The following ACYP2 variants were observed in gnomAD, a reference collection of about 807,000 sequenced individuals.
ACYP2 encodes acylphosphatase 2, also known as acylphosphatase-2.
ACYP2 carries 12 observed loss-of-function variants against 11.2 expected under a neutral mutation model. The observed-to-expected ratio is 1.08, with a 90% CI of 0.69 to 1.74. The LOEUF (loss-of-function observed/expected upper bound fraction) is 1.74. ACYP2 is among the 40% of genes most tolerant of loss of function. The pLI is 0.00. For missense variants in ACYP2, 134 were observed against 101.9 expected (o/e 1.31, Z -1.35); for synonymous variants, 43 against 32.2 (o/e 1.33, Z -1.13).
At chr2:54,158,825 G>A (rs1682566822) in intron 6 of ACYP2, among the ~76,000 whole-genome samples, 1 of 152,100 alleles carries the variant, frequency 6.6e-6, no homozygotes, top group Non-Finnish European at 1.5e-5. Context: ...AGTGAATCAA[G>A]CCAATTACAA....
chr2:54,168,954 C>T (rs1314261086), intron 6 of ACYP2, among the ~76,000 whole-genome samples: 1 of 152,094 alleles, frequency 6.6e-6, no homozygotes, highest in Non-Finnish European at 1.5e-5. Context: ...TAAGATGAGC[C>T]AAAGCTTTAT....
chr2:54,135,423 G>T, intron 4 of ACYP2, 30 bp from the exon 2 acceptor site: 2 of 1,601,974 alleles, frequency 1.2e-6, no homozygotes, highest in South Asian at 1.1e-5. Context: ...AGGACAAGCT[G>T]ACAATTCTTT....
chr2:54,219,426 C>T lies in ACYP2; in HGVS notation c.404+80678C>T, dbSNP rs148896166. 1.2e-4 allele frequency among the ~76,000 whole-genome samples: 18 copies of T among 151,954 alleles called. No homozygotes were observed. The East Asian group carries it at 3.1e-3, about 26-fold the overall frequency. The stretch of plus-strand genomic sequence containing the variant: ...ACATAATGGAGGTCTTTGAATGCCA[C>T]CGTGAAGAGTTTGGGTTTGAGGTTG... On this transcript the variant is annotated intron_variant, in intron 6 of 6. Transcript: ENST00000607452.
intron 2 of ACYP2, among the ~76,000 whole-genome samples, chr2:54,041,666 A>G (rs573948259): frequency 6.6e-6 from 1 of 152,298 alleles, no homozygotes; most frequent in African/African-American, 2.4e-5. Context: ...TATTCAAGTG[A>G]GTATCTCAGT....
At chr2:53,972,263 T>C (rs1671183777) in intron 1 of ACYP2, among the ~76,000 whole-genome samples, 1 of 147,560 alleles carries the variant, frequency 6.8e-6, no homozygotes, top group Non-Finnish European at 1.5e-5. Context: ...TGAGCCAAGA[T>C]CGCGCCAGGG....
At chr2:54,121,989 C>T (rs1416386276) in intron 4 of ACYP2, among the ~76,000 whole-genome samples, 1 of 152,140 alleles carries the variant, frequency 6.6e-6, no homozygotes, top group African/African-American at 2.4e-5. Context: ...TGAAAGATGC[C>T]GTGGTGTATG....
intron 4 of ACYP2, among the ~76,000 whole-genome samples, chr2:54,075,788 G>A (rs1414705984): frequency 6.6e-6 from 1 of 151,932 alleles, no homozygotes; most frequent in Non-Finnish European, 1.5e-5. Context: ...ACTCCAGCCT[G>A]GGCGATAGAA....
At chr2:54,133,550 A>G (rs1371763982) in intron 4 of ACYP2, among the ~76,000 whole-genome samples, 1 of 152,166 alleles carries the variant, frequency 6.6e-6, no homozygotes, top group Non-Finnish European at 1.5e-5. Context: ...CACCTGATAC[A>G]TTCCTGATGT....
chr2:54,013,279 G>A lies in ACYP2; in HGVS notation c.63-37679G>A, dbSNP rs1284699036. 4.4e-3 allele frequency among the ~76,000 whole-genome samples: 606 copies of A among 136,938 alleles called. 14 individuals carry two copies. Among genetic ancestry groups the A allele is most frequent in the African/African-American group, 0.017 (572 of 33,514 alleles). The allele number at this position is 136,938 out of a possible 152,430, so 89.8% of individuals were successfully genotyped here. On this transcript the variant is annotated intron_variant, in intron 2 of 6. Coordinates refer to ENST00000607452, the MANE Select transcript of ACYP2 (RefSeq NM_001320586.2). ...TATGTGTGTGTGTGTGTGTGTGTGT[G>A]TGTGTGTGTGTGTGTGTGTGTGTGT...
intron 4 of ACYP2, among the ~76,000 whole-genome samples, chr2:54,074,326 C>A (rs1677213529): frequency 6.6e-6 from 1 of 152,052 alleles, no homozygotes; most frequent in Non-Finnish European, 1.5e-5. Context: ...GCCTGGGTGA[C>A]AGTGGGAGAT....
chr2:54,185,988 A>G (rs946664453), intron 6 of ACYP2, among the ~76,000 whole-genome samples: 1 of 151,834 alleles, frequency 6.6e-6, no homozygotes, highest in Admixed American at 6.6e-5. Context: ...GAAATATAAA[A>G]CACTGCAAAA....
intron 6 of ACYP2, among the ~76,000 whole-genome samples, chr2:54,201,680 TTCTCTCTCTC>T (rs60167120): frequency 2.8e-5 from 3 of 107,294 alleles, no homozygotes; most frequent in African/African-American, 1.1e-4. Context: ...CTTTCTTTCT[TTCTCTCTCTC>T]TCTCTCTCTT....
intron 6 of ACYP2, among the ~76,000 whole-genome samples, chr2:54,220,465 T>C (rs1481185833): frequency 6.6e-6 from 1 of 152,212 alleles, no homozygotes; most frequent in African/African-American, 2.4e-5. Flanking sequence ...AATCTTAATA[T>C]ATTTTGTAGT....
intron 6 of ACYP2, among the ~76,000 whole-genome samples, chr2:54,287,025 T>C (rs1351888862): frequency 1.3e-5 from 2 of 152,046 alleles, no homozygotes; most frequent in African/African-American, 4.8e-5. Context: ...TGTTCCCCAA[T>C]TTTTTGATAC....
rs189450699 is a variant in ACYP2, at chr2:54,201,570, T to C, written c.404+62822T>C. On this transcript the variant is annotated intron_variant, in intron 6 of 6. Coordinates refer to ENST00000607452, the MANE Select transcript of ACYP2 (RefSeq NM_001320586.2). ...GCACAAAAGTTTTAAAATTGGATGA[T>C]AGCCAGCTTCTTTTTCTTTCTTTCT... 4.0e-5 allele frequency among the ~76,000 whole-genome samples: 6 copies of C among 149,822 alleles called. No homozygotes were observed. In the East Asian group the frequency reaches 1.2e-3, roughly 30 times the overall value.
At chr2:54,039,476 G>A (rs183665539) in intron 2 of ACYP2, among the ~76,000 whole-genome samples, 1 of 152,012 alleles carries the variant, frequency 6.6e-6, no homozygotes, top group Non-Finnish European at 1.5e-5. Flanking sequence ...ATTTTTTCTA[G>A]AGATGGGGTT....
chr2:54,165,769 C>T (rs1337983944), intron 6 of ACYP2, among the ~76,000 whole-genome samples: 1 of 152,036 alleles, frequency 6.6e-6, no homozygotes, highest in Non-Finnish European at 1.5e-5. Context: ...CTACCCCTGC[C>T]CCAAGGGAAA....
intron 3 of ACYP2, chr2:54,051,843 G>T: frequency 1.8e-5 from 6 of 326,864 alleles, no homozygotes; most frequent in Non-Finnish European, 3.4e-5. Context: ...TCAGGAGTTT[G>T]AGACCAGCCT....
chr2:54,069,031 A>C (rs893504187), intron 4 of ACYP2, among the ~76,000 whole-genome samples: 2 of 152,056 alleles, frequency 1.3e-5, no homozygotes, highest in African/African-American at 4.8e-5. Context: ...GGCTCAAGCA[A>C]ATCCTTCCAC....
Sources: gnomAD v4.1 joint callset for allele counts (sites outside exome capture counted in the v4.1 genomes callset) on GRCh38, gnomAD v4.1.1 for gene constraint, MANE v1.5 for transcripts, NCBI Gene and HGNC (gene_info 2026-07-23, HGNC 2026-07-21) for gene names.